Variants in TNIK observed in about 807,000 individuals in gnomAD.
TNIK encodes the protein TRAF2 and NCK-interacting protein kinase.
TNIK carries 49 observed loss-of-function variants against 191.3 expected under a neutral mutation model. That is an observed-to-expected ratio of 0.26 (90% CI 0.20 to 0.32). The LOEUF (loss-of-function observed/expected upper bound fraction) is 0.32, where lower values mean the gene tolerates loss of function less well. Among genes scored for constraint, TNIK ranks in the 10% least tolerant of loss-of-function variants. TNIK has a pLI of 1.00. For missense variants in TNIK, 1,155 were observed against 1,702.3 expected, an observed-to-expected ratio of 0.68 and a Z score of 5.66; for synonymous variants, 594 against 600.9, an observed-to-expected ratio of 0.99 and a Z score of 0.17.
At chr3:171,264,351 C>T (rs538772847) in intron 2 of TNIK, among the ~76,000 whole-genome samples, 3 of 151,134 alleles carry the variant, frequency 2.0e-5, no homozygotes, top group Non-Finnish European at 4.4e-5. Context: ...CACACACACA[C>T]ATATATATAT....
At chr3:171,398,077 T>C (rs1021374976) in intron 1 of TNIK, among the ~76,000 whole-genome samples, 3 of 152,346 alleles carry the variant, frequency 2.0e-5, no homozygotes, top group African/African-American at 7.2e-5. Context: ...ATACTTTTAA[T>C]TTATGTTGGC....
At chr3:171,136,085 G>A (rs1729942440) in intron 15 of TNIK, among the ~76,000 whole-genome samples, 1 of 152,180 alleles carries the variant, frequency 6.6e-6, no homozygotes, top group Non-Finnish European at 1.5e-5. Flanking sequence ...CCCCTCTTCT[G>A]GTACATTTGT....
chr3:171,236,270 A>C (rs1013017818), intron 2 of TNIK, among the ~76,000 whole-genome samples: 2 of 152,200 alleles, frequency 1.3e-5, no homozygotes, highest in African/African-American at 4.8e-5. Context: ...TCTTGATAGA[A>C]TTTGGGGAAA....
At chr3:171,315,120 T>C (rs1285694337) in intron 2 of TNIK, among the ~76,000 whole-genome samples, 1 of 152,120 alleles carries the variant, frequency 6.6e-6, no homozygotes, top group South Asian at 2.1e-4. Context: ...GGGTAGGAGA[T>C]GTGAGGACTA....
intron 4 of TNIK, among the ~76,000 whole-genome samples, chr3:171,206,701 C>G (rs908682344): frequency 6.6e-6 from 1 of 151,986 alleles, no homozygotes; most frequent in Admixed American, 6.6e-5. Context: ...TTTTGAGGCC[C>G]GGGGAAAGTC....
At chr3:171,364,465 T>A (rs921579157) in intron 2 of TNIK, among the ~76,000 whole-genome samples, 1 of 151,752 alleles carries the variant, frequency 6.6e-6, no homozygotes, top group Non-Finnish European at 1.5e-5. Context: ...CTAAAAAAAA[T>A]TTAAAACTGG....
chr3:171,419,234 G>C (rs1723451081), intron 1 of TNIK, among the ~76,000 whole-genome samples: 1 of 152,166 alleles, frequency 6.6e-6, no homozygotes, highest in South Asian at 2.1e-4. Flanking sequence ...ATTATGGTAT[G>C]TGAAAGAAGC....
chr3:171,179,933 G>A (rs564406598), intron 7 of TNIK, among the ~76,000 whole-genome samples: 67 of 152,250 alleles, frequency 4.4e-4, no homozygotes, highest in African/African-American at 1.6e-3. Flanking sequence ...CCAGACCTTG[G>A]TAGTTCTACC....
At chr3:171,067,593 C>T (rs1718615917) in intron 30 of TNIK, among the ~76,000 whole-genome samples, 1 of 151,246 alleles carries the variant, frequency 6.6e-6, no homozygotes, top group Non-Finnish European at 1.5e-5. Flanking sequence ...TGGTGTGAAC[C>T]CAGGAGAGGC....
chr3:171,376,157 A>G (rs1717183859), intron 1 of TNIK, among the ~76,000 whole-genome samples: 1 of 152,228 alleles, frequency 6.6e-6, no homozygotes, highest in South Asian at 2.1e-4. Flanking sequence ...TACAAAAGCA[A>G]AACAGAACAA....
chr3:171,406,417 G>GGGTTT (rs1721691909), intron 1 of TNIK, among the ~76,000 whole-genome samples: 1 of 152,008 alleles, frequency 6.6e-6, no homozygotes, highest in Non-Finnish European at 1.5e-5. Context: ...ACACCATTTG[G>GGGTTT]GGTTTGGGGT....
intron 2 of TNIK, among the ~76,000 whole-genome samples, chr3:171,284,903 G>A (rs1446374580): frequency 3.9e-5 from 6 of 152,176 alleles, no homozygotes; most frequent in Admixed American, 1.3e-4. Context: ...GAAAGCGTGC[G>A]CTGACTAAAA....
chr3:171,196,631 T>A (rs956943139), intron 4 of TNIK, among the ~76,000 whole-genome samples: 6 of 152,216 alleles, frequency 3.9e-5, no homozygotes, highest in African/African-American at 1.2e-4. Context: ...TTAAAAACAC[T>A]TAGATACACC....
In TNIK at chr3:171,188,791, T is replaced by G; in HGVS notation, c.550A>C (p.Arg184=). ...GGAGTTCCAATGAAAGTATTCCTCC[T>G]GCCCACTGTTCGATCAAGCTGAGCA... ...VSAQLDRTVG[R]RNTFIGTPYW... Residue 184 remains arginine, a synonymous_variant, in exon 7 of 33, where the codon AGG becomes CGG. Coordinates refer to ENST00000436636, the MANE Select transcript of TNIK (RefSeq NM_015028.4). 2 of 1,613,708 alleles carry G rather than the reference T, an allele frequency of 1.2e-6. No individual in the cohort carries two copies. Among genetic ancestry groups the G allele is most frequent in the Non-Finnish European group, 1.7e-6 (2 of 1,179,656 alleles).
At chr3:171,175,115 A>G in intron 9 of TNIK, 137 bp downstream of exon 9, 1 of 829,526 alleles carries the variant, frequency 1.2e-6, no homozygotes, top group Non-Finnish European at 2.0e-6. Flanking sequence ...ATGACAGCAT[A>G]TGGAAAGTAA....
At chr3:171,250,272 A>G (rs540784279) in intron 2 of TNIK, among the ~76,000 whole-genome samples, 7 of 152,208 alleles carry the variant, frequency 4.6e-5, no homozygotes, top group African/African-American at 1.4e-4. Context: ...GGCCTTGGAG[A>G]GACTGACCCA....
At chr3:171,092,297 G>C (rs574502859) in intron 23 of TNIK, among the ~76,000 whole-genome samples, 1 of 152,264 alleles carries the variant, frequency 6.6e-6, no homozygotes, top group Non-Finnish European at 1.5e-5. Context: ...ATACTGGAGT[G>C]CTATAAATAA....
chr3:171,179,051 G>C (rs1160679259), intron 7 of TNIK, among the ~76,000 whole-genome samples: 1 of 152,198 alleles, frequency 6.6e-6, no homozygotes, highest in Non-Finnish European at 1.5e-5. Flanking sequence ...GTCTACCTGA[G>C]AGCAGGTGGC....
At chr3:171,109,423 G>A (rs1416248738) in intron 19 of TNIK, among the ~76,000 whole-genome samples, 3 of 152,122 alleles carry the variant, frequency 2.0e-5, no homozygotes, top group African/African-American at 4.8e-5. Flanking sequence ...AATGCATATA[G>A]AGGCAGCTGT....
Sources: allele counts gnomAD v4.1 joint callset (sites outside exome capture counted in the v4.1 genomes callset), GRCh38; gene constraint gnomAD v4.1.1; transcripts MANE v1.5; gene names NCBI Gene and HGNC (gene_info 2026-07-23, HGNC 2026-07-21).